Variants in CNTN1 observed in about 807,000 individuals in gnomAD.
The protein encoded by CNTN1 is contactin-1.
A neutral mutation model predicts 126.4 loss-of-function variants in CNTN1; 38 were observed. The ratio of observed to expected loss-of-function variants is 0.30; its 90% CI spans 0.23 to 0.39. The LOEUF (loss-of-function observed/expected upper bound fraction) is 0.39. Among genes scored for constraint, CNTN1 ranks in the 10% least tolerant of loss-of-function variants. The pLI, the probability that CNTN1 is intolerant of heterozygous loss-of-function variation, is 1.00. For synonymous variants in CNTN1, 413 were observed against 422.6 expected, an observed-to-expected ratio of 0.98 and a Z score of 0.28; for missense variants, 1,009 against 1,248.4, an observed-to-expected ratio of 0.81 and a Z score of 2.89.
At chr12:40,925,690 A>T (rs1945645867) in intron 6 of CNTN1, among the ~76,000 whole-genome samples, 1 of 144,938 alleles carries the variant, frequency 6.9e-6, no homozygotes, top group Admixed American at 7.0e-5. Context: ...GATTTTCTCC[A>T]CAATAGGAGA....
At chr12:40,776,742 C>T (rs180920084) in intron 1 of CNTN1, among the ~76,000 whole-genome samples, 116 of 151,834 alleles carry the variant, frequency 7.6e-4, no homozygotes, top group African/African-American at 2.6e-3. Context: ...TTGCAGAATT[C>T]ACCAGTTACT....
intron 1 of CNTN1, among the ~76,000 whole-genome samples, chr12:40,722,826 T>C (rs953975938): frequency 2.0e-5 from 3 of 152,178 alleles, no homozygotes; most frequent in Non-Finnish European, 4.4e-5. Flanking sequence ...TAAGAAAACC[T>C]CTGCATATAT....
At chr12:40,928,131 C>G (rs1233358755) in intron 6 of CNTN1, among the ~76,000 whole-genome samples, 1 of 151,972 alleles carries the variant, frequency 6.6e-6, no homozygotes, top group African/African-American at 2.4e-5. Context: ...TAAGGAAATA[C>G]AAAATTTCTT....
intron 23 of CNTN1, among the ~76,000 whole-genome samples, chr12:41,068,592 C>A (rs1950098227): frequency 6.6e-6 from 1 of 152,090 alleles, no homozygotes; most frequent in African/African-American, 2.4e-5. Flanking sequence ...TTATAGGGAA[C>A]ATGAATGTGC....
chr12:41,012,048 A>C (rs1054737922), intron 17 of CNTN1, among the ~76,000 whole-genome samples: 4 of 152,138 alleles, frequency 2.6e-5, no homozygotes, highest in African/African-American at 9.7e-5. Context: ...GAGAGGCGTA[A>C]AAAGGGGAGA....
chr12:40,963,899 A>G (rs1044150669), intron 15 of CNTN1, among the ~76,000 whole-genome samples: 3 of 152,128 alleles, frequency 2.0e-5, no homozygotes, highest in East Asian at 1.9e-4. Context: ...AGAGTTTTGC[A>G]GGATTTATAC....
chr12:40,981,990 A>G (rs1003445526), intron 16 of CNTN1, among the ~76,000 whole-genome samples: 3 of 151,876 alleles, frequency 2.0e-5, no homozygotes, highest in African/African-American at 7.2e-5. Context: ...TTTTAGATTT[A>G]TCTTAACATA....
intron 1 of CNTN1, among the ~76,000 whole-genome samples, chr12:40,735,420 G>A (rs11178125): frequency 0.15 from 23,380 of 152,002 alleles, 2,480 homozygotes; most frequent in East Asian, 0.48. Flanking sequence ...AATGGGCGTC[G>A]TTCCCACGGA....
chr12:40,707,694 G>A (rs1260487935), intron 1 of CNTN1, among the ~76,000 whole-genome samples: 1 of 151,680 alleles, frequency 6.6e-6, no homozygotes, highest in African/African-American at 2.4e-5. Flanking sequence ...TATTTTTTTT[G>A]ATGACTGATA....
intron 1 of CNTN1, among the ~76,000 whole-genome samples, chr12:40,776,554 CT>C (rs1939584280): frequency 6.6e-6 from 1 of 151,618 alleles, no homozygotes; most frequent in South Asian, 2.1e-4. Flanking sequence ...ACATTCCCAA[CT>C]TTAAAAATGC....
chr12:40,836,137 G>T (rs2136566269), intron 1 of CNTN1, among the ~76,000 whole-genome samples: 1 of 119,010 alleles, frequency 8.4e-6, no homozygotes, highest in South Asian at 2.8e-4. Flanking sequence ...TACATATACA[G>T]GTATATACAC....
chr12:40,934,545 G>T (rs1437333378), intron 9 of CNTN1, among the ~76,000 whole-genome samples: 1 of 151,034 alleles, frequency 6.6e-6, no homozygotes, highest in African/African-American at 2.4e-5. Flanking sequence ...AAACTTTCCA[G>T]ACTGAAATAA....
At chr12:41,033,307 A>G (rs186530412) in intron 23 of CNTN1, among the ~76,000 whole-genome samples, 60 of 152,322 alleles carry the variant, frequency 3.9e-4, no homozygotes, top group Non-Finnish European at 6.8e-4. Context: ...GTTTTTAATA[A>G]TTATGAGCAA....
At chr12:40,947,619 G>A (rs191510357) in intron 14 of CNTN1, among the ~76,000 whole-genome samples, 1 of 151,746 alleles carries the variant, frequency 6.6e-6, no homozygotes, top group Non-Finnish European at 1.5e-5. Context: ...CTAACCTGTA[G>A]AATTTTTCAG....
At chr12:40,840,309 T>C (rs1418482453) in intron 1 of CNTN1, among the ~76,000 whole-genome samples, 1 of 152,018 alleles carries the variant, frequency 6.6e-6, no homozygotes, top group African/African-American at 2.4e-5. Context: ...ATTCTATATA[T>C]ACATGTACTC....
intron 1 of CNTN1, among the ~76,000 whole-genome samples, chr12:40,890,843 C>G (rs555620409): frequency 3.3e-5 from 5 of 152,254 alleles, no homozygotes; most frequent in African/African-American, 1.2e-4. Context: ...ACATTTTCAA[C>G]TTCTTTGTGT....
intron 1 of CNTN1, among the ~76,000 whole-genome samples, chr12:40,893,792 A>C (rs556816373): frequency 1.3e-5 from 2 of 152,278 alleles, no homozygotes; most frequent in Admixed American, 6.5e-5. Flanking sequence ...TATCATTAAT[A>C]TGTAGATGAC....
At chr12:40,949,478 A>C (rs1481702514) in intron 14 of CNTN1, among the ~76,000 whole-genome samples, 1 of 118,154 alleles carries the variant, frequency 8.5e-6, no homozygotes, top group African/African-American at 3.3e-5. Flanking sequence ...TCCTGTGTCC[A>C]TGTGATCTCA....
At chr12:40,828,402 A>C (rs555454176) in intron 1 of CNTN1, 6 of 152,338 alleles carry the variant, frequency 3.9e-5, no homozygotes, top group African/African-American at 1.4e-4. Flanking sequence ...CTCAGACCTT[A>C]GTATTGCAAT....
Sources: allele counts gnomAD v4.1 joint callset (sites outside exome capture counted in the v4.1 genomes callset), GRCh38; gene constraint gnomAD v4.1.1; transcripts MANE v1.5; gene names NCBI Gene and HGNC (gene_info 2026-07-23, HGNC 2026-07-21).